The following VAC14 variants were observed in gnomAD, a reference collection of about 807,000 sequenced individuals.
VAC14 encodes the protein VAC14 component of PIKFYVE complex.
A neutral mutation model predicts 85.3 loss-of-function variants in VAC14; 47 were observed. The ratio of observed to expected loss-of-function variants is 0.55; its 90% CI spans 0.44 to 0.70. The LOEUF is 0.70. VAC14 is among the 30% of genes least tolerant of loss of function. The probability of loss-of-function intolerance (pLI) is 0.00; values close to 1 mark genes in which losing one functional copy is unlikely to be tolerated. For synonymous variants in VAC14, 447 were observed against 430.5 expected, an observed-to-expected ratio of 1.04 and a Z score of -0.47; for missense variants, 861 against 1,004.3, an observed-to-expected ratio of 0.86 and a Z score of 1.93.
At chr16:70,692,129 G>A (rs2053608715) in intron 18 of VAC14, 4 of 976,950 alleles carry the variant, frequency 4.1e-6, no homozygotes, top group Non-Finnish European at 4.9e-6. Context: ...AAATATAGAT[G>A]CAGCCCTACA....
intron 12 of VAC14, among the ~76,000 whole-genome samples, chr16:70,749,615 C>G (rs112411805): frequency 0.067 from 10,189 of 152,268 alleles, 1,114 homozygotes; most frequent in African/African-American, 0.23. Flanking sequence ...AAAGCAGGAC[C>G]CCGAAACAGC....
chr16:70,790,801 G>T (rs761837044), intron 1 of VAC14, among the ~76,000 whole-genome samples: 3 of 152,204 alleles, frequency 2.0e-5, no homozygotes, highest in Non-Finnish European at 2.9e-5. Flanking sequence ...GCCCATTCAG[G>T]CCCTGTGGCC....
chr16:70,694,099 G>A (rs559119991), intron 17 of VAC14, among the ~76,000 whole-genome samples: 95 of 152,350 alleles, frequency 6.2e-4, no homozygotes, highest in African/African-American at 2.1e-3. Context: ...GGATCCAGGC[G>A]ACTCAGGGCT....
chr16:70,794,903 A>C (rs2034480177), intron 1 of VAC14, among the ~76,000 whole-genome samples: 1 of 152,262 alleles, frequency 6.6e-6, no homozygotes, highest in Admixed American at 6.5e-5. Flanking sequence ...GGTCAACAAC[A>C]GACTGCATAT....
chr16:70,763,984 G>A (rs1159508731), intron 10 of VAC14, among the ~76,000 whole-genome samples: 2 of 152,186 alleles, frequency 1.3e-5, no homozygotes, highest in Non-Finnish European at 2.9e-5. Context: ...AAATGGTGCC[G>A]ACAGGTGCAG....
intron 1 of VAC14, among the ~76,000 whole-genome samples, chr16:70,793,413 A>T (rs1289757131): frequency 6.6e-6 from 1 of 152,252 alleles, no homozygotes; most frequent in Non-Finnish European, 1.5e-5. Flanking sequence ...ACTGAGGCTC[A>T]GAGAAGTTAA....
intron 14 of VAC14, chr16:70,700,064 G>C (rs960738902): frequency 6.6e-6 from 1 of 152,172 alleles, no homozygotes; most frequent in African/African-American, 2.4e-5. Flanking sequence ...CTCCTAGGTC[G>C]CTGGACTCAG....
At chr16:70,731,183 T>C (rs2054579689) in intron 14 of VAC14, 5 of 790,352 alleles carry the variant, frequency 6.3e-6, no homozygotes, top group Non-Finnish European at 8.0e-6. Context: ...GCTCACCTCC[T>C]TTCCTCTCCA....
chr16:70,799,344 G>C (rs1301482816), intron 1 of VAC14, among the ~76,000 whole-genome samples: 1 of 152,262 alleles, frequency 6.6e-6, no homozygotes, highest in Middle Eastern at 3.4e-3. Flanking sequence ...CTATATAAAA[G>C]GAGCAGTCAA....
intron 1 of VAC14, among the ~76,000 whole-genome samples, chr16:70,795,792 G>T (rs1335781012): frequency 6.6e-6 from 1 of 152,202 alleles, no homozygotes; most frequent in Non-Finnish European, 1.5e-5. Context: ...TCAAAAACAA[G>T]ATCAGGTGCG....
chr16:70,704,973 G>A (rs1379064236), intron 14 of VAC14, among the ~76,000 whole-genome samples: 1 of 152,230 alleles, frequency 6.6e-6, no homozygotes, highest in African/African-American at 2.4e-5. Context: ...AACAGGACCA[G>A]CGAAGTGACC....
At chr16:70,693,717 G>A (rs1368906105) in intron 17 of VAC14, among the ~76,000 whole-genome samples, 2 of 152,202 alleles carry the variant, frequency 1.3e-5, no homozygotes, top group East Asian at 1.9e-4. Flanking sequence ...GATTGGAAAC[G>A]GGCTCACTTT....
Position 70,785,704 on chromosome 16 carries a change from T to C in VAC14, c.421A>G (p.Lys141Glu), listed in dbSNP as rs2034017614. ...AGGAGGAGGAGGAGGGCGGTTACCTTGCTCAGCCCGTCAAAGAGCACGTTG... is the reference window on the plus strand; with the variant it reads ...AGGAGGAGGAGGAGGGCGGTTACCTCGCTCAGCCCGTCAAAGAGCACGTTG... ...HFNVLFDGLS[K>E]LAADPDPNVK... The change falls in exon 3 of 19, where the codon AAG becomes GAG. Residue 141 changes from lysine to glutamate, a missense_variant and splice_region_variant. Coordinates refer to ENST00000261776, the MANE Select transcript of VAC14 (RefSeq NM_018052.5). 1 of 1,556,420 alleles carries C rather than the reference T, an allele frequency of 6.4e-7. No individual in the cohort carries two copies.
intron 1 of VAC14, among the ~76,000 whole-genome samples, 184 bp downstream of exon 1, chr16:70,800,613 A>C (rs1596984553): frequency 1.3e-5 from 2 of 152,228 alleles, no homozygotes; most frequent in African/African-American, 4.8e-5. Context: ...ACCAAATCAC[A>C]CAGCCAGTCA....
At chr16:70,725,861 C>T (rs16970464) in intron 14 of VAC14, among the ~76,000 whole-genome samples, 6,917 of 152,272 alleles carry the variant, frequency 0.045, 520 homozygotes, top group African/African-American at 0.15. Context: ...TTAACTGGGC[C>T]GGTTCGGATC....
chr16:70,734,797 A>AC (rs1327599615), intron 13 of VAC14, among the ~76,000 whole-genome samples: 2 of 104,868 alleles, frequency 1.9e-5, no homozygotes, highest in East Asian at 2.3e-4. Context: ...CAAAGAAACA[A>AC]AAAAAAAAAA....
chr16:70,783,718 C>A (rs1436977947), intron 5 of VAC14, among the ~76,000 whole-genome samples, 164 bp from the exon 6 acceptor site: 1 of 152,202 alleles, frequency 6.6e-6, no homozygotes, highest in Non-Finnish European at 1.5e-5. Flanking sequence ...GGACAGTCAG[C>A]ATTTCTTGTT....
intron 10 of VAC14, chr16:70,766,650 A>G (rs1299427239): frequency 2.6e-6 from 1 of 377,506 alleles, no homozygotes; most frequent in Non-Finnish European, 5.3e-6. Context: ...CCAAGCAGTC[A>G]TTCCCTGGGC....
intron 14 of VAC14, among the ~76,000 whole-genome samples, chr16:70,705,542 AAAC>A (rs1424112752): frequency 7.0e-4 from 106 of 152,366 alleles, no homozygotes; most frequent in Non-Finnish European, 2.9e-4. Context: ...TGACTATCCC[AAAC>A]AATAAGCCAC....
Sources: gnomAD v4.1 joint callset for allele counts (sites outside exome capture counted in the v4.1 genomes callset) on GRCh38, gnomAD v4.1.1 for gene constraint, MANE v1.5 for transcripts, NCBI Gene and HGNC (gene_info 2026-07-23, HGNC 2026-07-21) for gene names.